TNFRSF8: variants seen among roughly 807,000 people sequenced by gnomAD.
TNFRSF8 encodes the protein TNF receptor superfamily member 8, also known as tumor necrosis factor receptor superfamily member 8.
TNFRSF8 carries 26 observed loss-of-function variants against 70.8 expected under a neutral mutation model. The observed-to-expected ratio is 0.37, with a 90% confidence interval of 0.27 to 0.51. TNFRSF8 has a LOEUF of 0.51. Ranked by LOEUF, TNFRSF8 falls within the 20% of genes least tolerant of loss-of-function variation. TNFRSF8 has a pLI of 0.94. For synonymous variants in TNFRSF8, 356 were observed against 339.2 expected (o/e 1.05, Z -0.54); for missense variants, 720 against 807.9 (o/e 0.89, Z 1.32).
In TNFRSF8 at chr1:12,108,602, C is replaced by T. The variant is rs1641570888; in HGVS notation, c.422-964C>T. On this transcript the variant is annotated intron_variant, in intron 4 of 14. Transcript: ENST00000263932. The surrounding 1 kb of genome is among the most constrained non-coding windows in gnomAD (Gnocchi z 4.0). The stretch of plus-strand genomic sequence containing the variant: ...TTGGGAGGCTGAGGAGGGTGGATCA[C>T]CTGAGGTCAGGAGTTCGAGACCAGC... 6.6e-6 allele frequency among the ~76,000 whole-genome samples: 1 copy of T among 152,028 alleles called. No homozygotes were observed.
rs540061103 is a variant in TNFRSF8, at chr1:12,085,104, CTTATTT to C, written c.151+568_151+573del. ...TCCTTTGCAGTTCTTTCTTTTCTCT[CTTATTT>C]TTATTTTTATTTTTTTTGAGATGGA... On this transcript the variant is annotated intron_variant, in intron 2 of 14. Transcript: ENST00000263932. Among the ~76,000 whole-genome samples the C allele has an allele frequency of 2.2e-4, 34 of 152,190 alleles. No homozygotes were observed. The East Asian group carries it at 6.2e-3, about 28-fold the overall frequency.
chr1:12,092,463 G>A (rs574946021), intron 2 of TNFRSF8, among the ~76,000 whole-genome samples: 171 of 150,626 alleles, frequency 1.1e-3, no homozygotes, highest in African/African-American at 4.0e-3. Context: ...ATGAGTTACC[G>A]TGCCTGAAAA....
chr1:12,126,308 G>A (rs1330987957), intron 12 of TNFRSF8, 72 bp downstream of exon 12: 14 of 1,573,752 alleles, frequency 8.9e-6, no homozygotes, highest in Middle Eastern at 1.8e-4. Context: ...CCGGGGCGTG[G>A]GCTCCAGAGA....
At chr1:12,134,642 C>T (rs958222740) in intron 12 of TNFRSF8, among the ~76,000 whole-genome samples, 2 of 152,170 alleles carry the variant, frequency 1.3e-5, no homozygotes, top group African/African-American at 2.4e-5. Context: ...TTGTCCTCCT[C>T]GAAGGCTGCC....
Position 12,097,120 on chromosome 1 carries a change from G to A in TNFRSF8, c.171G>A (p.Gln57=), listed in dbSNP as rs995988326. ...TCCCAGGGCTGTTCCCGACACAGCA[G>A]TGCCCACAGAGGCCTACTGACTGCA... ...RCPMGLFPTQ[Q]CPQRPTDCRK... Residue 57 remains glutamine (Q), a synonymous_variant, in exon 3 of 15, where the codon CAG becomes CAA. Coordinates refer to ENST00000263932, the MANE Select transcript of TNFRSF8 (RefSeq NM_001243.5). The A allele has an allele frequency of 6.2e-7, 1 of 1,613,946 alleles. No homozygotes were observed. Among genetic ancestry groups the A allele is most frequent in the African/African-American group, 1.3e-5 (1 of 75,048 alleles).
At chr1:12,084,594 T>C (rs1460693006) in intron 2 of TNFRSF8, 43 bp downstream of exon 2, 1 of 1,568,816 alleles carries the variant, frequency 6.4e-7, no homozygotes, top group Admixed American at 1.7e-5. Context: ...GGGAAATTTG[T>C]CCTCAATTGA....
At chr1:12,072,395 C>T (rs1160291952) in intron 1 of TNFRSF8, among the ~76,000 whole-genome samples, 1 of 152,108 alleles carries the variant, frequency 6.6e-6, no homozygotes, top group Non-Finnish European at 1.5e-5. Flanking sequence ...CTGTCTGGGG[C>T]CTGCGGGAGT....
At chr1:12,107,212 T>C (rs1042637634) in intron 4 of TNFRSF8, among the ~76,000 whole-genome samples, 1 of 152,134 alleles carries the variant, frequency 6.6e-6, no homozygotes, top group African/African-American at 2.4e-5. Flanking sequence ...CTGGCCAATG[T>C]GGTGAAACCT....
intron 1 of TNFRSF8, among the ~76,000 whole-genome samples, chr1:12,072,296 A>G (rs1640861527): frequency 6.6e-6 from 1 of 152,168 alleles, no homozygotes; most frequent in African/African-American, 2.4e-5. Flanking sequence ...ACAGCCATGG[A>G]GATGAACCAG....
At chr1:12,079,321 C>T (rs921178355) in intron 1 of TNFRSF8, among the ~76,000 whole-genome samples, 1 of 152,186 alleles carries the variant, frequency 6.6e-6, no homozygotes, top group Non-Finnish European at 1.5e-5. Flanking sequence ...AGCTCATTAC[C>T]TTGTGGACAC....
rs1642276728 is a variant in TNFRSF8, at chr1:12,142,614, G to A, written c.*83G>A. On this transcript the variant is annotated 3_prime_UTR_variant, in exon 15 of 15. Transcript: ENST00000263932. The surrounding 1 kb of genome is among the most constrained non-coding windows in gnomAD (Gnocchi z 5.0). ...GGCACTGTTGGCACCGAGGTTGGGG[G>A]CAGAGGCCCATCTGGCCTGAACTGA... 1 of 1,494,570 alleles carries A rather than the reference G, an allele frequency of 6.7e-7. No homozygotes were observed. The highest frequency in any genetic ancestry group is 9.0e-7 in the Non-Finnish European group (1 of 1,116,100). 92.6% of individuals were successfully genotyped at this position (1,494,570 alleles called of 1,614,324 possible).
At chr1:12,096,981 A>G (rs1641341834) in intron 2 of TNFRSF8, 120 bp from the exon 3 acceptor site, 1 of 704,558 alleles carries the variant, frequency 1.4e-6, no homozygotes, top group Non-Finnish European at 2.5e-6. Flanking sequence ...TTGGACTGAC[A>G]GTTTTCGGGG....
intron 1 of TNFRSF8, among the ~76,000 whole-genome samples, chr1:12,067,318 C>A (rs979735811): frequency 2.8e-4 from 43 of 152,144 alleles, no homozygotes; most frequent in Non-Finnish European, 1.0e-4. Context: ...ATCCATGTAC[C>A]CCCAATTCCA....
In TNFRSF8 at chr1:12,084,503, C is replaced by A. The variant is rs761337975; in HGVS notation, c.103C>A (p.His35Asn). 8 of 1,613,988 alleles carry A rather than the reference C, an allele frequency of 5.0e-6. 1 individual carries two copies. The South Asian group carries it at 6.6e-5, about 13-fold the overall frequency. Residue 35 changes from histidine to asparagine, a missense_variant, in exon 2 of 15, where the codon CAC (histidine) becomes AAC (asparagine). Transcript: ENST00000263932. ...GGACACCTGTCATGGAAACCCCAGC[C>A]ACTACTATGACAAGGCTGTCAGGAG... ...FEDTCHGNPS[H>N]YYDKAVRRCC...
At chr1:12,100,987 T>A (rs1641413773) in intron 3 of TNFRSF8, among the ~76,000 whole-genome samples, 1 of 151,568 alleles carries the variant, frequency 6.6e-6, no homozygotes, top group Admixed American at 6.6e-5. Context: ...CCTGTCCCAT[T>A]GGAAGGTCTT....
At position 12,104,467 on chromosome 1, in the gene TNFRSF8, C is replaced by T. The variant is rs147581692; in HGVS notation, c.357C>T (p.Val119=). Residue 119 remains valine (V), a synonymous_variant, in exon 4 of 15, where the codon GTC becomes GTT. Transcript: ENST00000263932. The stretch of plus-strand genomic sequence containing the variant: ...GCATGTTCTGTTCCACGTCTGCCGT[C>T]AACTCCTGTGCCCGCTGCTTCTTCC... The part of the protein sequence containing the change: ...RPGMFCSTSA[V]NSCARCFFHS... The T allele has an allele frequency of 1.2e-4, 186 of 1,614,102 alleles. No individual in the cohort carries two copies. Among genetic ancestry groups the T allele is most frequent in the Middle Eastern group, 1.6e-4 (1 of 6,084 alleles).
chr1:12,123,566 T>C lies in TNFRSF8; in HGVS notation c.1041-149T>C, dbSNP rs536968780. 5.0e-4 allele frequency: 451 copies of C among 895,428 alleles called. 1 individual carries two copies. Among genetic ancestry groups the C allele is most frequent in the South Asian group, 1.6e-3 (96 of 59,172 alleles). The allele number at this position is 895,428 out of a possible 1,614,324, so 55.5% of individuals were successfully genotyped here. On this transcript the variant is annotated intron_variant, in intron 9 of 14. Coordinates refer to ENST00000263932, the MANE Select transcript of TNFRSF8 (RefSeq NM_001243.5). ...CCAGAAGGCCTTGAAACCCAGTCCC[T>C]GCCCTCAAAATGCCTGGCAGAGACT...
chr1:12,087,162 TCTC>T (rs1167805030), intron 2 of TNFRSF8, among the ~76,000 whole-genome samples: 3 of 124,600 alleles, frequency 2.4e-5, no homozygotes, highest in South Asian at 2.8e-4. Context: ...TCTCTCTCTC[TCTC>T]TTTTTTTTTT....
chr1:12,065,053 T>C (rs1640713068), intron 1 of TNFRSF8, among the ~76,000 whole-genome samples: 1 of 149,084 alleles, frequency 6.7e-6, no homozygotes, highest in South Asian at 2.1e-4. Flanking sequence ...CATAACTCAC[T>C]ACAGCCTGAA....
Sources: allele counts gnomAD v4.1 joint callset (sites outside exome capture counted in the v4.1 genomes callset), GRCh38; gene constraint gnomAD v4.1.1; non-coding constraint Gnocchi (gnomAD v3.1); transcripts MANE v1.5; gene names NCBI Gene and HGNC (gene_info 2026-07-23, HGNC 2026-07-21).